Variants in BPTF observed in about 807,000 individuals in gnomAD.
BPTF encodes the protein nucleosome-remodeling factor subunit BPTF.
In BPTF, 18 loss-of-function variants were observed where a neutral mutation model predicts 292.5. The observed-to-expected ratio is 0.06, with a 90% CI of 0.04 to 0.09. The LOEUF (loss-of-function observed/expected upper bound fraction) is 0.09, where lower values mean the gene tolerates loss of function less well. Among genes scored for constraint, BPTF ranks in the 10% least tolerant of loss-of-function variants. The pLI is 1.00. For missense variants in BPTF, 2,726 were observed against 3,498.7 expected, an observed-to-expected ratio of 0.78 and a Z score of 5.57; for synonymous variants, 1,225 against 1,251.9, an observed-to-expected ratio of 0.98 and a Z score of 0.45.
In BPTF at chr17:67,825,657, T is replaced by G; in HGVS notation, c.-68T>G. 1 of 179,866 alleles carries G rather than the reference T, an allele frequency of 5.6e-6. No homozygotes were observed. Among genetic ancestry groups the G allele is most frequent in the Non-Finnish European group, 9.9e-6 (1 of 100,574 alleles). 11.1% of individuals were successfully genotyped at this position (179,866 alleles called of 1,614,324 possible). A position where few individuals can be genotyped will look rare whatever the true frequency, so the allele number is the denominator to read the frequency against. ...GGGCCTCCCCACCCGGCCCCGGCGCTCCCCACCGCCCCCCCTGCGCCCGCC... is the reference window on the plus strand; with the variant it reads ...GGGCCTCCCCACCCGGCCCCGGCGCGCCCCACCGCCCCCCCTGCGCCCGCC... On this transcript the variant is annotated 5_prime_UTR_variant, in exon 1 of 28. Coordinates refer to ENST00000306378, the MANE Select transcript of BPTF (RefSeq NM_182641.4).
At chr17:67,862,532 C>G (rs1040779316) in intron 2 of BPTF, among the ~76,000 whole-genome samples, 4 of 152,114 alleles carry the variant, frequency 2.6e-5, no homozygotes, top group African/African-American at 9.7e-5. Flanking sequence ...GGGATTTGAA[C>G]CTAGGCATTC....
intron 3 of BPTF, among the ~76,000 whole-genome samples, chr17:67,870,417 T>G (rs2059651579): frequency 6.6e-6 from 1 of 152,106 alleles, no homozygotes; most frequent in African/African-American, 2.4e-5. Context: ...TTACAATTCT[T>G]TAATCCTCTC....
At chr17:67,945,373 A>C in intron 20 of BPTF, 36 bp from the exon 21 acceptor site, 5 of 1,572,656 alleles carry the variant, frequency 3.2e-6, no homozygotes, top group Non-Finnish European at 4.3e-6. Context: ...TTTATGTTCC[A>C]GAGTAATAGA....
chr17:67,860,327 T>C (rs190138481), intron 2 of BPTF, among the ~76,000 whole-genome samples: 45 of 152,344 alleles, frequency 3.0e-4, no homozygotes, highest in African/African-American at 1.1e-3. Context: ...CTCCTCATGA[T>C]AGTTTTAAAG....
intron 1 of BPTF, among the ~76,000 whole-genome samples, chr17:67,827,351 C>T (rs1045225255): frequency 3.3e-5 from 5 of 152,174 alleles, no homozygotes; most frequent in African/African-American, 1.2e-4. Flanking sequence ...GGTAACCCCT[C>T]TTCTGTTTTC....
chr17:67,916,111 T>C (rs1189156447), intron 11 of BPTF, among the ~76,000 whole-genome samples: 1 of 152,230 alleles, frequency 6.6e-6, no homozygotes, highest in Non-Finnish European at 1.5e-5. Context: ...GGGACATCCC[T>C]GCACTAGTTA....
chr17:67,929,453 C>T lies in BPTF; in HGVS notation c.6116C>T (p.Thr2039Ile), dbSNP rs199611735. ...GCAACAGTCACAATTAGGCCCAATA[C>T]CTCAGGCTCTGGAGGAACCACAAGC... ...RTATVTIRPNTSGSGGTTSNS... is the reference protein window; with the variant it reads ...RTATVTIRPNISGSGGTTSNS... The change falls in exon 17 of 28, where the codon ACC (threonine) becomes ATC (isoleucine). Residue 2039 changes from threonine (T) to isoleucine (I), a missense_variant. Thr to Ile is a moderately conservative substitution (Grantham distance 89). Around this residue, in one of 22 missense-constraint regions of BPTF, gnomAD observed 570 missense variants for 633.5 expected, o/e 0.90. Coordinates refer to ENST00000306378, the MANE Select transcript of BPTF (RefSeq NM_182641.4). 6.2e-7 allele frequency: 1 copy of T among 1,614,168 alleles called. No homozygotes were observed. Among genetic ancestry groups the T allele is most frequent in the Non-Finnish European group, 8.5e-7 (1 of 1,180,030 alleles).
chr17:67,880,102 A>G (rs1185470812), intron 4 of BPTF, among the ~76,000 whole-genome samples: 1 of 151,758 alleles, frequency 6.6e-6, no homozygotes, highest in African/African-American at 2.4e-5. Context: ...TTAGCATAAT[A>G]ACATCGTATC....
intron 3 of BPTF, among the ~76,000 whole-genome samples, chr17:67,873,087 A>G (rs1311728602): frequency 6.6e-6 from 1 of 152,212 alleles, no homozygotes; most frequent in East Asian, 1.9e-4. Context: ...TCTCTAAAAA[A>G]GTAAAAAATA....
intron 11 of BPTF, among the ~76,000 whole-genome samples, chr17:67,918,512 AG>A (rs2063209186): frequency 6.6e-6 from 1 of 152,212 alleles, no homozygotes; most frequent in Admixed American, 6.5e-5. Context: ...AAAAAATGTT[AG>A]GTGCGTGTTA....
In BPTF at chr17:67,903,843, A is replaced by G; in HGVS notation, c.2598A>G (p.Lys866=). The G allele has an allele frequency of 6.3e-7, 1 of 1,592,800 alleles. No individual in the cohort carries two copies. The highest frequency in any genetic ancestry group is 8.5e-7 in the Non-Finnish European group (1 of 1,172,866). The part of the protein sequence containing the change: ...EREEKEKVKK[K]EKKQEEEETM... ...AAGAAAAGGAGAAAGTCAAAAAAAA[A>G]GAGAAGAAACAGGAAGAAGAAGAAA... Residue 866 remains lysine (K), a synonymous_variant, in exon 8 of 28, where the codon AAA becomes AAG. Coordinates refer to ENST00000306378, the MANE Select transcript of BPTF (RefSeq NM_182641.4).
intron 26 of BPTF, among the ~76,000 whole-genome samples, chr17:67,967,266 C>T (rs1433758080): frequency 6.0e-5 from 9 of 149,780 alleles, no homozygotes; most frequent in South Asian, 4.3e-4. Context: ...CTCAGCCTCC[C>T]GAGTAGCTGG....
chr17:67,956,318 C>CAA (rs1213133363), intron 23 of BPTF: 56,637 of 94,400 alleles, frequency 0.6, 19,064 homozygotes, highest in Non-Finnish European at 0.71. Context: ...GACTCCATCT[C>CAA]AAAAAAAAAA....
intron 3 of BPTF, among the ~76,000 whole-genome samples, chr17:67,867,602 T>G (rs2059462876): frequency 6.6e-6 from 1 of 152,234 alleles, no homozygotes; most frequent in Non-Finnish European, 1.5e-5. Flanking sequence ...GTCATCATGT[T>G]TTCCTCTGGG....
At chr17:67,933,779 C>G (rs1166802047) in intron 18 of BPTF, among the ~76,000 whole-genome samples, 1 of 152,080 alleles carries the variant, frequency 6.6e-6, no homozygotes, top group Non-Finnish European at 1.5e-5. Context: ...TAGGCTTAAC[C>G]CAGGCGCAGT....
chr17:67,957,305 A>T (rs577321052), intron 23 of BPTF: 1 of 152,260 alleles, frequency 6.6e-6, no homozygotes, highest in Non-Finnish European at 1.5e-5. Flanking sequence ...AAAATAAAAA[A>T]AATAAAGGAA....
chr17:67,875,069 T>C (rs372578116), intron 4 of BPTF, 49 bp downstream of exon 4: 6 of 1,499,052 alleles, frequency 4.0e-6, no homozygotes, highest in Middle Eastern at 1.7e-4. Flanking sequence ...GTGTTATTTA[T>C]GAAATCTCCA....
intron 1 of BPTF, among the ~76,000 whole-genome samples, chr17:67,828,196 C>G (rs1226740847): frequency 6.6e-6 from 1 of 152,118 alleles, no homozygotes; most frequent in Admixed American, 6.5e-5. Flanking sequence ...TCCCAAAATG[C>G]TGGGACTACA....
chr17:67,860,637 G>A (rs1453383745), intron 2 of BPTF, among the ~76,000 whole-genome samples: 1 of 152,166 alleles, frequency 6.6e-6, no homozygotes, highest in Non-Finnish European at 1.5e-5. Context: ...TCTGAAATTA[G>A]GACCTACTAA....
Sources: allele counts gnomAD v4.1 joint callset (sites outside exome capture counted in the v4.1 genomes callset), GRCh38; gene constraint gnomAD v4.1.1; regional missense constraint gnomAD v4.1.1; transcripts MANE v1.5; gene names NCBI Gene and HGNC (gene_info 2026-07-23, HGNC 2026-07-21).